The following TMEM132D variants were observed in gnomAD, a reference collection of about 807,000 sequenced individuals.
TMEM132D encodes mature OL transmembrane protein.
A neutral mutation model predicts 62.3 loss-of-function variants in TMEM132D; 21 were observed. The ratio of observed to expected loss-of-function variants is 0.34; its 90% confidence interval spans 0.24 to 0.49. The LOEUF is 0.49. TMEM132D is among the 20% of genes least tolerant of loss of function. The pLI, the probability that TMEM132D is intolerant of heterozygous loss-of-function variation, is 0.99. For synonymous variants in TMEM132D, 621 were observed against 575.6 expected, an observed-to-expected ratio of 1.08 and a Z score of -1.13; for missense variants, 1,346 against 1,402.8, an observed-to-expected ratio of 0.96 and a Z score of 0.65.
At chr12:129,535,494 A>G (rs538739571) in intron 2 of TMEM132D, among the ~76,000 whole-genome samples, 1 of 152,360 alleles carries the variant, frequency 6.6e-6, no homozygotes, top group East Asian at 1.9e-4. Context: ...TATAAATTTG[A>G]GTTCATTATC....
intron 5 of TMEM132D, among the ~76,000 whole-genome samples, chr12:129,089,348 CATGA>C (rs1874810540): frequency 1.8e-5 from 1 of 55,416 alleles, no homozygotes; most frequent in African/African-American, 1.5e-4. Context: ...GGATGTCCTC[CATGA>C]CCGGGGTGTC....
At chr12:129,595,546 T>A (rs1019942923) in intron 2 of TMEM132D, among the ~76,000 whole-genome samples, 28 of 152,310 alleles carry the variant, frequency 1.8e-4, no homozygotes, top group Middle Eastern at 6.8e-3. Context: ...TATTTCTCCA[T>A]CCCTTGTCTC....
intron 4 of TMEM132D, among the ~76,000 whole-genome samples, chr12:129,289,023 C>A (rs191397383): frequency 6.6e-6 from 1 of 152,070 alleles, no homozygotes; most frequent in East Asian, 1.9e-4. Context: ...ATTTTAGAGA[C>A]CTCCTGTGAA....
intron 1 of TMEM132D, among the ~76,000 whole-genome samples, chr12:129,702,776 G>A (rs1881414308): frequency 6.6e-6 from 1 of 152,208 alleles, no homozygotes; most frequent in Non-Finnish European, 1.5e-5. Context: ...CCTGGTAAAT[G>A]TCAGGTACTC....
chr12:129,620,458 G>A (rs1434498874), intron 2 of TMEM132D, among the ~76,000 whole-genome samples: 1 of 152,190 alleles, frequency 6.6e-6, no homozygotes, highest in Non-Finnish European at 1.5e-5. Flanking sequence ...ACCTAGCTGG[G>A]TATGGTGGCA....
rs1275674527 is a variant in TMEM132D at position 129,671,748 on chromosome 12, AC to A, written c.968+28061del. On this transcript the variant is annotated intron_variant, in intron 2 of 8. Transcript: ENST00000422113. ...GGCCAGCCTATGGCCCAAGAGAAGG[AC>A]AAGCTATTTAAAGAAGTGGAAGCTA... Among the ~76,000 whole-genome samples, 3 of 152,158 alleles carry A rather than the reference AC, an allele frequency of 2.0e-5. No individual in the cohort carries two copies. The East Asian group carries it at 5.8e-4, about 29-fold the overall frequency.
At chr12:129,423,403 C>G (rs1566064015) in intron 3 of TMEM132D, among the ~76,000 whole-genome samples, 1 of 152,186 alleles carries the variant, frequency 6.6e-6, no homozygotes, top group African/African-American at 2.4e-5. Context: ...AAGCCACTCT[C>G]TTCTGCAACA....
At chr12:129,614,383 C>T (rs879802784) in intron 2 of TMEM132D, among the ~76,000 whole-genome samples, 8 of 152,144 alleles carry the variant, frequency 5.3e-5, no homozygotes, top group African/African-American at 9.7e-5. Context: ...GCAAAGAGGA[C>T]GGGAAGGTGG....
intron 1 of TMEM132D, among the ~76,000 whole-genome samples, chr12:129,901,183 C>T (rs917136765): frequency 3.9e-5 from 6 of 152,072 alleles, no homozygotes; most frequent in Non-Finnish European, 5.9e-5. Context: ...GTGTGTGTGT[C>T]TGTGTGTTTA....
chr12:129,717,965 A>G (rs1432894366), intron 1 of TMEM132D, among the ~76,000 whole-genome samples: 1 of 152,148 alleles, frequency 6.6e-6, no homozygotes, highest in Non-Finnish European at 1.5e-5. Context: ...GCCTGGATAC[A>G]AGGACAATTA....
chr12:129,817,206 T>C (rs546581067), intron 1 of TMEM132D, among the ~76,000 whole-genome samples: 1 of 152,226 alleles, frequency 6.6e-6, no homozygotes, highest in Non-Finnish European at 1.5e-5. Context: ...TATGCAAGCA[T>C]TCATGCACTT....
At chr12:129,800,771 G>T (rs113744059) in intron 1 of TMEM132D, among the ~76,000 whole-genome samples, 62 of 152,260 alleles carry the variant, frequency 4.1e-4, no homozygotes, top group African/African-American at 1.4e-3. Context: ...CGACGCAGAA[G>T]ACGGGTGATT....
chr12:129,176,496 A>G (rs960957309), intron 5 of TMEM132D, among the ~76,000 whole-genome samples: 2 of 152,218 alleles, frequency 1.3e-5, no homozygotes, highest in African/African-American at 4.8e-5. Flanking sequence ...CTGCTTGGCC[A>G]AGGCCACAGA....
At chr12:129,833,806 G>C (rs549817471) in intron 1 of TMEM132D, among the ~76,000 whole-genome samples, 33 of 152,290 alleles carry the variant, frequency 2.2e-4, no homozygotes, top group African/African-American at 7.7e-4. Context: ...TAACAAGTCG[G>C]TGTCAGTCTA....
At chr12:129,343,871 C>A (rs1227721306) in intron 3 of TMEM132D, among the ~76,000 whole-genome samples, 2 of 152,122 alleles carry the variant, frequency 1.3e-5, no homozygotes, top group African/African-American at 2.4e-5. Context: ...GCAGAGGTTG[C>A]AGTGAACTGA....
chr12:129,374,762 C>T (rs1237806300), intron 3 of TMEM132D, among the ~76,000 whole-genome samples: 4 of 152,094 alleles, frequency 2.6e-5, no homozygotes, highest in Admixed American at 2.6e-4. Context: ...CCTTACTCAA[C>T]GTATATAACC....
At chr12:129,854,262 C>T (rs1873643311) in intron 1 of TMEM132D, among the ~76,000 whole-genome samples, 1 of 152,178 alleles carries the variant, frequency 6.6e-6, no homozygotes, top group Non-Finnish European at 1.5e-5. Flanking sequence ...TAGCTGTTTC[C>T]AAATTTCACT....
intron 3 of TMEM132D, among the ~76,000 whole-genome samples, chr12:129,388,915 G>A (rs370924232): frequency 0.014 from 621 of 43,942 alleles, 6 homozygotes; most frequent in East Asian, 0.027. Flanking sequence ...CACTAACACC[G>A]ACACCAATAC....
At chr12:129,391,894 T>C (rs1204342613) in intron 3 of TMEM132D, among the ~76,000 whole-genome samples, 1 of 151,494 alleles carries the variant, frequency 6.6e-6, no homozygotes, top group Admixed American at 6.6e-5. Flanking sequence ...GTATCTGGGA[T>C]TACAGGCGCC....
Sources: allele counts gnomAD v4.1 joint callset (sites outside exome capture counted in the v4.1 genomes callset), GRCh38; gene constraint gnomAD v4.1.1; transcripts MANE v1.5; gene names NCBI Gene and HGNC (gene_info 2026-07-23, HGNC 2026-07-21).